The following CATSPER1 variants were observed in gnomAD, a reference collection of about 807,000 sequenced individuals.
CATSPER1 encodes the protein cation channel sperm-associated protein 1.
CATSPER1 carries 57 observed loss-of-function variants against 72.7 expected under a neutral mutation model. The observed-to-expected ratio is 0.78, with a 90% confidence interval of 0.63 to 0.98. CATSPER1 has a LOEUF of 0.98. Among genes scored for constraint, CATSPER1 ranks in the 50% least tolerant of loss-of-function variants. CATSPER1 has a pLI of 0.00. For synonymous variants in CATSPER1, 363 were observed against 403.0 expected, an observed-to-expected ratio of 0.90 and a Z score of 1.19; for missense variants, 910 against 1,033.9, an observed-to-expected ratio of 0.88 and a Z score of 1.64.
chr11:66,017,246 AACC>A, intron 10 of CATSPER1, 72 bp from the exon 11 acceptor site: 1 of 1,113,388 alleles, frequency 9.0e-7, no homozygotes, highest in Non-Finnish European at 1.3e-6. Context: ...TGCACCCCAG[AACC>A]ACCCAGAGGC....
rs779474171 is a variant in CATSPER1 at position 66,020,468 on chromosome 11, G to A, written c.1992-79C>T. On this transcript the variant is annotated intron_variant, in intron 7 of 11. Transcript: ENST00000312106. The surrounding 1 kb of genome is among the most constrained non-coding windows in gnomAD (Gnocchi z 4.5). ...ACCCGGTACTTCTTGTGGGTTCAGC[G>A]TGGCATGACCAGGGTGAGAGGGCTG... 34 of 1,600,828 alleles carry A rather than the reference G, an allele frequency of 2.1e-5. No individual in the cohort carries two copies. Among genetic ancestry groups the A allele is most frequent in the Admixed American group, 3.3e-5 (2 of 59,966 alleles).
At position 66,021,492 on chromosome 11, in the gene CATSPER1, T is replaced by TCCGCAG; in HGVS notation, c.1691+3_1691+4insCTGCGG. 1 of 1,612,838 alleles carries TCCGCAG rather than the reference T, an allele frequency of 6.2e-7. No individual in the cohort carries two copies. Among genetic ancestry groups the TCCGCAG allele is most frequent in the East Asian group, 2.2e-5 (1 of 44,882 alleles). On this transcript the variant is annotated splice_donor_region_variant and intron_variant, in intron 4 of 11. Transcript: ENST00000312106. ...CACCCCAGGTGGGAGCCGTGGCCACTGACCTGAGCCTCCGCAGGACCCGGA... is the reference window on the plus strand; with the variant it reads ...CACCCCAGGTGGGAGCCGTGGCCACTCCGCAGGACCTGAGCCTCCGCAGGACCCGGA...
In CATSPER1 at chr11:66,020,390, C is replaced by T. The variant is rs550601584; in HGVS notation, c.1992-1G>A. The T allele has an allele frequency of 6.2e-7, 1 of 1,614,024 alleles. No homozygotes were observed. The highest frequency in any genetic ancestry group is 8.5e-7 in the Non-Finnish European group (1 of 1,180,030). ...ATCCACCAGGACAGTAATCACCAGGCTGGGGAGAGGGACAGGGGTGTGCCC... is the reference window on the plus strand; with the variant it reads ...ATCCACCAGGACAGTAATCACCAGGTTGGGGAGAGGGACAGGGGTGTGCCC... On this transcript the variant is annotated splice_acceptor_variant, in intron 7 of 11. Transcript: ENST00000312106. LOFTEE classifies it high-confidence loss of function. This position sits in a 1 kb window ranked among gnomAD's most constrained non-coding sequence, Gnocchi z 4.5.
rs759341517 is a variant in CATSPER1, at chr11:66,020,627, C to G, written c.1928G>C (p.Gly643Ala). 2.5e-6 allele frequency: 4 copies of G among 1,612,254 alleles called. No individual in the cohort carries two copies. In the East Asian group the frequency reaches 8.9e-5, roughly 36 times the overall value. Reference protein sequence around the residue: ...SLIYMDSRAQGAWYIIPILVI... With the variant: ...SLIYMDSRAQAAWYIIPILVI... Reference sequence around the variant, plus strand: ...GAGGATGGGAATGATGTACCAGGCGCCTAGGGGGAGCAGGCCAGAGGGCAC... The same window carrying G: ...GAGGATGGGAATGATGTACCAGGCGGCTAGGGGGAGCAGGCCAGAGGGCAC... The change falls in exon 7 of 12, where the codon GGC becomes GCC. Residue 643 changes from glycine (G) to alanine (A), a missense_variant and splice_region_variant. Transcript: ENST00000312106. The surrounding 1 kb of genome is among the most constrained non-coding windows in gnomAD (Gnocchi z 4.5).
At chr11:66,023,564 G>T (rs1308744427) in intron 1 of CATSPER1, among the ~76,000 whole-genome samples, 2 of 151,752 alleles carry the variant, frequency 1.3e-5, no homozygotes, top group Non-Finnish European at 2.9e-5. Flanking sequence ...CATAATTGTG[G>T]CCAGAAGCAA....
In CATSPER1 at chr11:66,026,162, G is replaced by A; in HGVS notation, c.218C>T (p.Ser73Phe). 1.2e-6 allele frequency: 2 copies of A among 1,605,948 alleles called. No individual in the cohort carries two copies. Among genetic ancestry groups the A allele is most frequent in the Admixed American group, 1.7e-5 (1 of 59,846 alleles). The change falls in exon 1 of 12, where the codon TCC (serine) becomes TTC (phenylalanine). Residue 73 changes from serine to phenylalanine, a missense_variant. By Grantham distance (155) the Ser-to-Phe change is radical. Coordinates refer to ENST00000312106, the MANE Select transcript of CATSPER1 (RefSeq NM_053054.4). Reference protein sequence around the residue: ...FQDFHDQALSSHVHQSHHHSE... With the variant: ...FQDFHDQALSFHVHQSHHHSE... ...GTGGTGGTGAGATTGGTGGACATGG[G>A]AGGACAAGGCTTGGTCGTGGAAGTC...
chr11:66,025,448 GA>G lies in CATSPER1; in HGVS notation c.931del (p.Ser311ProfsTer24). The part of the protein sequence containing the change: ...QHQDHHGAYH[S>X]SYLHGDYVQS... ...GACGTAGTCGCCATGGAGGTAACTG[GA>G]ATGATACGCGCCGTGGTGGTCTTGG... On this transcript the variant is annotated frameshift_variant, in exon 1 of 12. Coordinates refer to ENST00000312106, the MANE Select transcript of CATSPER1 (RefSeq NM_053054.4). LOFTEE classifies it high-confidence loss of function. 6.2e-7 allele frequency: 1 copy of G among 1,613,746 alleles called. No individual in the cohort carries two copies. The highest frequency in any genetic ancestry group is 8.5e-7 in the Non-Finnish European group (1 of 1,179,966).
Position 66,021,776 on chromosome 11 carries a change from C to A in CATSPER1, c.1533G>T (p.Trp511Cys). 1.9e-6 allele frequency: 3 copies of A among 1,614,090 alleles called. No individual in the cohort carries two copies. The highest frequency in any genetic ancestry group is 2.5e-6 in the Non-Finnish European group (3 of 1,179,966). Reference sequence around the variant, plus strand: ...CCCGGCCGCACCCACCCAAATTGTTCCAGAAGTCAAAGAAGTACGAGAGGC... The same window carrying A: ...CCCGGCCGCACCCACCCAAATTGTTACAGAAGTCAAAGAAGTACGAGAGGC... ...ALGLSYFFDF[W>C]NNLDFFIMAM... is the part of the protein sequence containing the mutation. Residue 511 changes from tryptophan to cysteine, a missense_variant, in exon 3 of 12, where the codon TGG becomes TGT. Physicochemically the swap from Trp to Cys is radical, Grantham distance 215. Coordinates refer to ENST00000312106, the MANE Select transcript of CATSPER1 (RefSeq NM_053054.4).
chr11:66,022,709 TG>T (rs1856400848), intron 2 of CATSPER1, 139 bp downstream of exon 2: 5 of 783,084 alleles, frequency 6.4e-6, no homozygotes, highest in East Asian at 2.7e-5. Context: ...TCTCTAATAC[TG>T]GGTAAGGCCA....
chr11:66,017,154 T>C lies in CATSPER1; in HGVS notation c.2222A>G (p.His741Arg). 11 of 1,386,012 alleles carry C rather than the reference T, an allele frequency of 7.9e-6. No homozygotes were observed. Among genetic ancestry groups the C allele is most frequent in the Non-Finnish European group, 1.1e-5 (11 of 1,030,098 alleles). 85.9% of individuals were successfully genotyped at this position (1,386,012 alleles called of 1,614,324 possible). A position where few individuals can be genotyped will look rare whatever the true frequency, so the allele number is the denominator to read the frequency against. The change falls in exon 11 of 12, where the codon CAT becomes CGT. Residue 741 changes from histidine (H) to arginine (R), a missense_variant. Coordinates refer to ENST00000312106, the MANE Select transcript of CATSPER1 (RefSeq NM_053054.4). ...MTEKQQELLF[H>R]YLQLVASVEQ... Reference sequence around the variant, plus strand: ...CACGCTTGCCACCAGCTGCAGGTAATGGAACAGGAGCTCCTGCTGCCTGCG... The same window carrying C: ...CACGCTTGCCACCAGCTGCAGGTAACGGAACAGGAGCTCCTGCTGCCTGCG...
intron 4 of CATSPER1, 70 bp from the exon 5 acceptor site, chr11:66,021,255 A>G: frequency 2.7e-6 from 4 of 1,469,582 alleles, no homozygotes; most frequent in Non-Finnish European, 3.8e-6. Flanking sequence ...CCCAGCAGCC[A>G]CAGCTGGCGC....
chr11:66,017,568 C>T (rs1052670626), intron 10 of CATSPER1, among the ~76,000 whole-genome samples: 1 of 151,664 alleles, frequency 6.6e-6, no homozygotes, highest in Admixed American at 6.6e-5. Context: ...TGTAGCCACC[C>T]CCCACCCACC....
chr11:66,020,420 C>T lies in CATSPER1; in HGVS notation c.1992-31G>A, dbSNP rs570175187. On this transcript the variant is annotated intron_variant, in intron 7 of 11. Coordinates refer to ENST00000312106, the MANE Select transcript of CATSPER1 (RefSeq NM_053054.4). The surrounding 1 kb of genome is among the most constrained non-coding windows in gnomAD (Gnocchi z 4.5). ...GAGAGGGACAGGGGTGTGCCCTCAG[C>T]GAGGAGGCCAGAGGAGAGGGGCACC... is the stretch of plus-strand genomic sequence containing the variant. 44 of 1,613,546 alleles carry T rather than the reference C, an allele frequency of 2.7e-5. No individual in the cohort carries two copies. Among genetic ancestry groups the T allele is most frequent in the Admixed American group, 5.0e-5 (3 of 60,022 alleles).
At position 66,021,176 on chromosome 11, in the gene CATSPER1, G is replaced by A; in HGVS notation, c.1701C>T (p.Thr567=). The A allele has an allele frequency of 6.2e-7, 1 of 1,612,842 alleles. No homozygotes were observed. Among genetic ancestry groups the A allele is most frequent in the Non-Finnish European group, 8.5e-7 (1 of 1,179,572 alleles). The change falls in exon 5 of 12, where the codon ACC becomes ACT. Residue 567 remains threonine (T), a synonymous_variant. Coordinates refer to ENST00000312106, the MANE Select transcript of CATSPER1 (RefSeq NM_053054.4). ...GGGTCCCTGTCACTTCCTGGACGCT[G>A]GTCAGGAAGCTGTGGGCAGAAGGAG... ...IRVLRRLSFL[T]SVQEVTGTLG... is the part of the protein sequence containing the mutation.
At chr11:66,022,306 G>A (rs1286577545) in intron 2 of CATSPER1, among the ~76,000 whole-genome samples, 2 of 152,190 alleles carry the variant, frequency 1.3e-5, no homozygotes, top group African/African-American at 4.8e-5. Context: ...CTGCACTCCA[G>A]CCTGGGTGAC....
In CATSPER1 at chr11:66,025,230, G is replaced by A; in HGVS notation, c.1150C>T (p.Gln384Ter). The A allele has an allele frequency of 6.2e-7, 1 of 1,614,204 alleles. No individual in the cohort carries two copies. Among genetic ancestry groups the A allele is most frequent in the East Asian group, 2.2e-5 (1 of 44,882 alleles). The stretch of plus-strand genomic sequence containing the variant: ...TCTGAATGTTTGGTGGAGATATCCT[G>A]GGTATGGACTTTTTTGGACATCTGG... ...VTQMSKKVHTQDISTKHSEDW... is the reference protein window; with the variant it reads ...VTQMSKKVHT Residue 384 changes from glutamine to a stop codon, truncating the protein, a stop_gained, in exon 1 of 12, where the codon CAG becomes TAG. Coordinates refer to ENST00000312106, the MANE Select transcript of CATSPER1 (RefSeq NM_053054.4). LOFTEE classifies it high-confidence loss of function.
chr11:66,020,282 C>T lies in CATSPER1; in HGVS notation c.2064+35G>A, dbSNP rs199668198. 1.9e-5 allele frequency: 30 copies of T among 1,614,128 alleles called. No homozygotes were observed. Among genetic ancestry groups the T allele is most frequent in the Non-Finnish European group, 2.5e-5 (30 of 1,179,958 alleles). On this transcript the variant is annotated intron_variant, in intron 8 of 11. Transcript: ENST00000312106. This position sits in a 1 kb window ranked among gnomAD's most constrained non-coding sequence, Gnocchi z 4.5. Reference sequence around the variant, plus strand: ...CCCCTGGCCTCACTCCTCCAGCTTCCTGATCTGGTCCACCTGTCCCACCCC... The same window carrying T: ...CCCCTGGCCTCACTCCTCCAGCTTCTTGATCTGGTCCACCTGTCCCACCCC...
Position 66,020,954 on chromosome 11 carries a change from A to G in CATSPER1, c.1784T>C (p.Phe595Ser). The G allele has an allele frequency of 1.9e-6, 3 of 1,613,830 alleles. No individual in the cohort carries two copies. Among genetic ancestry groups the G allele is most frequent in the Non-Finnish European group, 2.5e-6 (3 of 1,180,004 alleles). ...TGCCCGGAGGACCGCGGAGAAGAGG[A>G]CTGGCTGTTCAGGGCCAAACTCAGC... ...AILILMFTCL[F>S]LFSAVLRALF... Residue 595 changes from phenylalanine (F) to serine (S), a missense_variant and splice_region_variant, in exon 6 of 12, where the codon TTC becomes TCC. By Grantham distance (155) the Phe-to-Ser change is radical. Coordinates refer to ENST00000312106, the MANE Select transcript of CATSPER1 (RefSeq NM_053054.4). The surrounding 1 kb of genome is among the most constrained non-coding windows in gnomAD (Gnocchi z 4.5).
At position 66,020,494 on chromosome 11, in the gene CATSPER1, G is replaced by C; in HGVS notation, c.1991+70C>G. 6.3e-7 allele frequency: 1 copy of C among 1,599,254 alleles called. No homozygotes were observed. ...TGGCATGACCAGGGTGAGAGGGCTG[G>C]GGTAAGGGTCCCAGGGGAGAGGAGG... On this transcript the variant is annotated intron_variant, in intron 7 of 11. Transcript: ENST00000312106. The surrounding 1 kb of genome is among the most constrained non-coding windows in gnomAD (Gnocchi z 4.5).
Sources: gnomAD v4.1 joint callset for allele counts (sites outside exome capture counted in the v4.1 genomes callset) on GRCh38, gnomAD v4.1.1 for gene constraint, Gnocchi (gnomAD v3.1) non-coding constraint, MANE v1.5 for transcripts, NCBI Gene and HGNC (gene_info 2026-07-23, HGNC 2026-07-21) for gene names.